SYN3: variants seen among roughly 807,000 people sequenced by gnomAD.
The protein encoded by SYN3 is synapsin III.
In SYN3, 35 loss-of-function variants were observed where a neutral mutation model predicts 65.8. The observed-to-expected ratio is 0.53, with a 90% CI of 0.41 to 0.70. SYN3 has a LOEUF of 0.70. SYN3 is among the 30% of genes least tolerant of loss of function. The pLI, the probability that SYN3 is intolerant of heterozygous loss-of-function variation, is 0.00. For synonymous variants in SYN3, 270 were observed against 292.9 expected (o/e 0.92, Z 0.80); for missense variants, 680 against 749.0 (o/e 0.91, Z 1.08).
At chr22:33,047,863 C>CAAAA (rs58025351) in intron 1 of SYN3, among the ~76,000 whole-genome samples, 2 of 53,524 alleles carry the variant, frequency 3.7e-5, no homozygotes, top group Non-Finnish European at 8.3e-5. Context: ...TTTTCATGTG[C>CAAAA]AAAAAAAAAA....
At chr22:32,944,201 A>G (rs1601750523) in intron 3 of SYN3, among the ~76,000 whole-genome samples, 1 of 152,308 alleles carries the variant, frequency 6.6e-6, no homozygotes, top group South Asian at 2.1e-4. Flanking sequence ...TTGGAAGTAA[A>G]GCACTCCTCA....
At chr22:32,800,492 C>T (rs1363209378) in intron 6 of SYN3, among the ~76,000 whole-genome samples, 2 of 152,192 alleles carry the variant, frequency 1.3e-5, no homozygotes, top group African/African-American at 4.8e-5. Context: ...TTCCTACCCA[C>T]AAAGATTATT....
chr22:32,778,599 C>T (rs922803815), intron 6 of SYN3, among the ~76,000 whole-genome samples: 1 of 152,118 alleles, frequency 6.6e-6, no homozygotes, highest in Non-Finnish European at 1.5e-5. Flanking sequence ...GCCAAGACTG[C>T]ATTTTTTTAA....
Position 32,561,131 on chromosome 22 carries a change from C to T in SYN3, c.775-19418G>A, listed in dbSNP as rs111606216. Reference sequence around the variant, plus strand: ...CAGTCAGACGACAGAGAAAGTCTCCCTCCAGGTTTTTCCTGCTCCTAGTGG... The same window carrying T: ...CAGTCAGACGACAGAGAAAGTCTCCTTCCAGGTTTTTCCTGCTCCTAGTGG... On this transcript the variant is annotated intron_variant, in intron 7 of 13. Coordinates refer to ENST00000358763, the MANE Select transcript of SYN3 (RefSeq NM_003490.4). Among the ~76,000 whole-genome samples, 1,303 of 152,290 alleles carry T rather than the reference C, an allele frequency of 8.6e-3. 20 individuals are homozygous for T. Among genetic ancestry groups the T allele is most frequent in the African/African-American group, 0.031 (1,270 of 41,540 alleles).
rs1433416849 is a variant in SYN3, at chr22:32,837,671, C to CA, written c.711+27243dup. ...TCTTGGGGCTTCGGGGGCCTCCTGT[C>CA]AATGGACTGTTTGGACACCCATTTG... On this transcript the variant is annotated intron_variant, in intron 6 of 13. Transcript: ENST00000358763. The surrounding 1 kb of genome is among the most constrained non-coding windows in gnomAD (Gnocchi z 4.1). 2.6e-5 allele frequency among the ~76,000 whole-genome samples: 4 copies of CA among 152,126 alleles called. No individual in the cohort carries two copies. Among genetic ancestry groups the CA allele is most frequent in the African/African-American group, 9.7e-5 (4 of 41,400 alleles).
intron 6 of SYN3, among the ~76,000 whole-genome samples, chr22:32,713,977 G>A (rs1263674823): frequency 2.6e-5 from 4 of 152,192 alleles, no homozygotes; most frequent in Non-Finnish European, 4.4e-5. Context: ...GTGTGACTAC[G>A]AAGGAGGGAG....
chr22:32,839,436 T>G (rs1601507866), intron 6 of SYN3, among the ~76,000 whole-genome samples: 1 of 152,094 alleles, frequency 6.6e-6, no homozygotes, highest in East Asian at 1.9e-4. Flanking sequence ...TGGTGAACAC[T>G]TTGAGGTAGT....
chr22:32,634,307 T>C (rs1393832194), intron 6 of SYN3, among the ~76,000 whole-genome samples: 1 of 152,142 alleles, frequency 6.6e-6, no homozygotes, highest in African/African-American at 2.4e-5. Context: ...CCAGAATCTA[T>C]GTTCCGAACC....
intron 4 of SYN3, among the ~76,000 whole-genome samples, chr22:32,918,023 C>T (rs531997618): frequency 9.1e-4 from 138 of 152,376 alleles, no homozygotes; most frequent in Non-Finnish European, 1.7e-3. Flanking sequence ...TTGCAGACCA[C>T]ATCCCCGCCT....
At chr22:33,028,836 C>G (rs571094195) in intron 1 of SYN3, among the ~76,000 whole-genome samples, 5 of 152,032 alleles carry the variant, frequency 3.3e-5, no homozygotes, top group Non-Finnish European at 5.9e-5. Context: ...GTCAGGAGAT[C>G]GAGACCATCC....
intron 6 of SYN3, among the ~76,000 whole-genome samples, chr22:32,625,498 CAT>C (rs1171563167): frequency 6.6e-6 from 1 of 152,212 alleles, no homozygotes; most frequent in African/African-American, 2.4e-5. Flanking sequence ...TATCTCAGTA[CAT>C]GACACGGCCT....
At chr22:32,977,543 A>G (rs1351472946) in intron 3 of SYN3, among the ~76,000 whole-genome samples, 1 of 152,058 alleles carries the variant, frequency 6.6e-6, no homozygotes, top group African/African-American at 2.4e-5. Flanking sequence ...CAAGAGATCG[A>G]GACCATCCTG....
intron 1 of SYN3, among the ~76,000 whole-genome samples, chr22:33,017,461 A>ATTT (rs2053486610): frequency 6.6e-6 from 1 of 152,224 alleles, no homozygotes. Flanking sequence ...TCTGCAGATC[A>ATTT]TTTTGGTTAG....
intron 3 of SYN3, among the ~76,000 whole-genome samples, chr22:32,957,763 C>A (rs928047289): frequency 1.3e-5 from 2 of 152,162 alleles, no homozygotes; most frequent in African/African-American, 2.4e-5. Flanking sequence ...AAGGAGGGAG[C>A]CCAAGGGCCA....
At chr22:32,640,172 G>A (rs1023904842) in intron 6 of SYN3, among the ~76,000 whole-genome samples, 6 of 152,086 alleles carry the variant, frequency 3.9e-5, no homozygotes, top group African/African-American at 1.4e-4. Flanking sequence ...ACCTCCTCCA[G>A]GAAGCCTTCC....
chr22:32,625,205 G>C (rs1032591439), intron 6 of SYN3, among the ~76,000 whole-genome samples: 1 of 152,202 alleles, frequency 6.6e-6, no homozygotes, highest in African/African-American at 2.4e-5. Flanking sequence ...GCTGAATGTG[G>C]ACGGATTTCA....
intron 7 of SYN3, among the ~76,000 whole-genome samples, chr22:32,549,960 G>A (rs1051765442): frequency 4.0e-5 from 6 of 151,868 alleles, no homozygotes; most frequent in East Asian, 1.9e-4. Flanking sequence ...GAAGGGAAGC[G>A]GGAGGTGACG....
intron 6 of SYN3, among the ~76,000 whole-genome samples, chr22:32,849,076 A>G (rs1250198053): frequency 1.3e-5 from 2 of 152,238 alleles, no homozygotes; most frequent in African/African-American, 4.8e-5. Flanking sequence ...CTGGGAGACC[A>G]TGGCATTGTC....
At chr22:33,043,699 A>G (rs2054005457) in intron 1 of SYN3, among the ~76,000 whole-genome samples, 1 of 152,206 alleles carries the variant, frequency 6.6e-6, no homozygotes, top group Non-Finnish European at 1.5e-5. Context: ...TAAAACAGAG[A>G]TAATAATTCT....
Sources: allele counts gnomAD v4.1 joint callset (sites outside exome capture counted in the v4.1 genomes callset), GRCh38; gene constraint gnomAD v4.1.1; non-coding constraint Gnocchi (gnomAD v3.1); transcripts MANE v1.5; gene names NCBI Gene and HGNC (gene_info 2026-07-23, HGNC 2026-07-21).